Variants in MTR observed in about 807,000 individuals in gnomAD.
The protein encoded by MTR is methionine synthase.
MTR carries 84 observed loss-of-function variants against 154.8 expected under a neutral mutation model. That is an observed-to-expected ratio of 0.54 (90% CI 0.45 to 0.65). The LOEUF is 0.65. MTR is among the 30% of genes least tolerant of loss of function. The probability of loss-of-function intolerance (pLI) is 0.00; values close to 1 mark genes in which losing one functional copy is unlikely to be tolerated. For synonymous variants in MTR, 554 were observed against 553.9 expected, an observed-to-expected ratio of 1.00 and a Z score of 0.00; for missense variants, 1,275 against 1,570.2, an observed-to-expected ratio of 0.81 and a Z score of 3.18.
chr1:236,797,955 C>G (rs1486924842), intron 1 of MTR, among the ~76,000 whole-genome samples: 1 of 135,980 alleles, frequency 7.4e-6, no homozygotes, highest in Admixed American at 7.2e-5. Context: ...GAGACTTAGT[C>G]TCCAAAAAAA....
chr1:236,849,582 G>A (rs149664922), intron 15 of MTR, among the ~76,000 whole-genome samples: 103 of 152,232 alleles, frequency 6.8e-4, no homozygotes, highest in Non-Finnish European at 1.1e-3. Flanking sequence ...AAGCTTGACG[G>A]GTTTCAAAAA....
chr1:236,864,737 GGTT>G (rs1664735948), intron 22 of MTR, among the ~76,000 whole-genome samples: 1 of 152,176 alleles, frequency 6.6e-6, no homozygotes, highest in Admixed American at 6.5e-5. Flanking sequence ...GCAAACCTGA[GGTT>G]GTTGGTTCCT....
intron 25 of MTR, among the ~76,000 whole-genome samples, chr1:236,883,300 A>C (rs1665851400): frequency 6.6e-6 from 1 of 152,194 alleles, no homozygotes; most frequent in South Asian, 2.1e-4. Flanking sequence ...GTTAGCGCAC[A>C]TATTGACCAT....
At position 236,838,624 on chromosome 1, in the gene MTR, C is replaced by A. The variant is rs1285697563; in HGVS notation, c.1515+25C>A. ...GGTGAGTGGTTTCTTTTGGCCTAATCCATTGTGTTTCCCAGGTTAGATAGT... is the reference window on the plus strand; with the variant it reads ...GGTGAGTGGTTTCTTTTGGCCTAATACATTGTGTTTCCCAGGTTAGATAGT... On this transcript the variant is annotated intron_variant, in intron 15 of 32. Coordinates refer to ENST00000366577, the MANE Select transcript of MTR (RefSeq NM_000254.3). 3 of 1,613,442 alleles carry A rather than the reference C, an allele frequency of 1.9e-6. No homozygotes were observed. In the South Asian group the frequency reaches 3.3e-5, roughly 18 times the overall value.
intron 29 of MTR, among the ~76,000 whole-genome samples, chr1:236,892,067 A>G (rs1324124573): frequency 6.6e-6 from 1 of 152,180 alleles, no homozygotes; most frequent in Non-Finnish European, 1.5e-5. Context: ...TAGCTGCTGT[A>G]AAAAAGAGTG....
Position 236,898,052 on chromosome 1 carries a change from G to A in MTR, c.*408G>A. On this transcript the variant is annotated 3_prime_UTR_variant, in exon 33 of 33. Coordinates refer to ENST00000366577, the MANE Select transcript of MTR (RefSeq NM_000254.3). The stretch of plus-strand genomic sequence containing the variant: ...CTGAAACTGAGTTGAATAGAGAAGT[G>A]TGACCCTGTGACAAAATGATACTGT... 1 of 221,156 alleles carries A rather than the reference G, an allele frequency of 4.5e-6. No homozygotes were observed. Among genetic ancestry groups the A allele is most frequent in the South Asian group, 6.9e-5 (1 of 14,516 alleles). 13.7% of individuals were successfully genotyped at this position (221,156 alleles called of 1,614,324 possible).
chr1:236,897,530 T>C (rs767068747), intron 32 of MTR, 28 bp from the exon 33 acceptor site: 2 of 1,599,700 alleles, frequency 1.3e-6, no homozygotes, highest in Admixed American at 3.3e-5. Flanking sequence ...TCATGTTGGT[T>C]TAATAAAATG....
chr1:236,875,502 G>T (rs185387286), intron 24 of MTR, among the ~76,000 whole-genome samples: 48 of 152,278 alleles, frequency 3.2e-4, no homozygotes, highest in African/African-American at 1.2e-3. Context: ...TAAGTGCTAC[G>T]TTAACTGTGG....
At chr1:236,803,370 C>A in intron 1 of MTR, 58 bp from the exon 2 acceptor site, 1 of 1,510,300 alleles carries the variant, frequency 6.6e-7, no homozygotes, top group South Asian at 1.1e-5. Context: ...AAAGCTCCTC[C>A]CTCACACATC....
chr1:236,805,870 A>T (rs1010519001), intron 2 of MTR, among the ~76,000 whole-genome samples: 1 of 152,198 alleles, frequency 6.6e-6, no homozygotes, highest in Non-Finnish European at 1.5e-5. Context: ...GAAGAGACTG[A>T]GACTCAGAGA....
intron 22 of MTR, among the ~76,000 whole-genome samples, chr1:236,868,873 C>T (rs141581815): frequency 6.6e-6 from 1 of 152,310 alleles, no homozygotes; most frequent in African/African-American, 2.4e-5. Context: ...GCAGTCTCTC[C>T]TGAGAACTTC....
At position 236,810,575 on chromosome 1, in the gene MTR, G is replaced by C; in HGVS notation, c.482G>C (p.Arg161Thr). 1 of 1,613,662 alleles carries C rather than the reference G, an allele frequency of 6.2e-7. No homozygotes were observed. Among genetic ancestry groups the C allele is most frequent in the Non-Finnish European group, 8.5e-7 (1 of 1,179,684 alleles). The change falls in exon 5 of 33, where the codon AGG (arginine) becomes ACG (threonine). Residue 161 changes from arginine (R) to threonine (T), a missense_variant. Transcript: ENST00000366577. ...CTCTCTGTGTCCCCATCTGTGGAAA[G>C]GCCGGATTATAGGAACATCAGTGAG... The part of the protein sequence containing the change: ...KTLSVSPSVE[R>T]PDYRNITFDE...
intron 17 of MTR, 89 bp downstream of exon 17, chr1:236,852,726 C>G: frequency 2.4e-6 from 3 of 1,246,112 alleles, no homozygotes; most frequent in Non-Finnish European, 3.5e-6. Flanking sequence ...TAAGTCCGGC[C>G]TGCTGCCAGT....
chr1:236,838,937 G>T (rs1321824855), intron 15 of MTR, among the ~76,000 whole-genome samples: 1 of 152,182 alleles, frequency 6.6e-6, no homozygotes, highest in African/African-American at 2.4e-5. Flanking sequence ...AGCTAATATA[G>T]CATGTTACCG....
chr1:236,853,386 T>C (rs1254745987), intron 18 of MTR, among the ~76,000 whole-genome samples: 1 of 152,200 alleles, frequency 6.6e-6, no homozygotes, highest in Non-Finnish European at 1.5e-5. Context: ...ATTTACAAAA[T>C]TCTGGTAAGC....
chr1:236,823,794 A>ACCTTTTTTTTT (rs1662114539), intron 8 of MTR, among the ~76,000 whole-genome samples: 1 of 23,388 alleles, frequency 4.3e-5, no homozygotes, highest in African/African-American at 1.7e-4. Context: ...TTCAGGTCAG[A>ACCTTTTTTTTT]TCTTTTTTTT....
chr1:236,852,373 A>G (rs2103251819), intron 16 of MTR, 148 bp from the exon 17 acceptor site: 1 of 691,390 alleles, frequency 1.4e-6, no homozygotes, highest in South Asian at 1.7e-5. Flanking sequence ...GCTTTGGTCT[A>G]TGTCTAGTAA....
chr1:236,805,998 C>T (rs2103023279), intron 2 of MTR, 146 bp from the exon 3 acceptor site: 3 of 708,028 alleles, frequency 4.2e-6, no homozygotes, highest in Admixed American at 2.2e-5. Flanking sequence ...CACCTTTTTG[C>T]ATCTCTACCT....
At chr1:236,862,404 G>T (rs766070516) in intron 21 of MTR, 61 bp downstream of exon 21, 2 of 1,370,918 alleles carry the variant, frequency 1.5e-6, no homozygotes, top group Non-Finnish European at 2.1e-6. Flanking sequence ...ACTTGAGGTG[G>T]TGGTAGGGGC....
Sources: gnomAD v4.1 joint callset for allele counts (sites outside exome capture counted in the v4.1 genomes callset) on GRCh38, gnomAD v4.1.1 for gene constraint, MANE v1.5 for transcripts, NCBI Gene and HGNC (gene_info 2026-07-23, HGNC 2026-07-21) for gene names.